THSD4: variants seen among roughly 807,000 people sequenced by gnomAD.
The protein encoded by THSD4 is thrombospondin type 1 domain containing 4.
A neutral mutation model predicts 119.0 loss-of-function variants in THSD4; 69 were observed. The ratio of observed to expected loss-of-function variants is 0.58; its 90% CI spans 0.48 to 0.71. The LOEUF is 0.71. Ranked by LOEUF, THSD4 falls within the 30% of genes least tolerant of loss-of-function variation. The probability of loss-of-function intolerance (pLI) is 0.00; values close to 1 mark genes in which losing one functional copy is unlikely to be tolerated. For missense variants in THSD4, 1,393 were observed against 1,391.1 expected (o/e 1.00, Z -0.02); for synonymous variants, 524 against 540.4 (o/e 0.97, Z 0.42).
chr15:71,161,787 T>C (rs2043252415), intron 3 of THSD4, among the ~76,000 whole-genome samples: 1 of 151,974 alleles, frequency 6.6e-6, no homozygotes, highest in Admixed American at 6.6e-5. Context: ...ATTTTGTTGT[T>C]TCCTGGTTAT....
At chr15:71,569,973 G>A (rs1238988208) in intron 7 of THSD4, among the ~76,000 whole-genome samples, 3 of 151,760 alleles carry the variant, frequency 2.0e-5, no homozygotes, top group South Asian at 2.1e-4. Flanking sequence ...CAGCCTGGGC[G>A]ACAAAGTTAG....
At position 71,724,282 on chromosome 15, in the gene THSD4, TA is replaced by T. The variant is rs1259448095; in HGVS notation, c.1358-4266del. Among the ~76,000 whole-genome samples, 113 of 53,410 alleles carry T rather than the reference TA, an allele frequency of 2.1e-3. 2 individuals carry two copies. In the East Asian group the frequency reaches 0.023, roughly 11 times the overall value. 35.0% of individuals were successfully genotyped at this position (53,410 alleles called of 152,430 possible). On this transcript the variant is annotated intron_variant, in intron 8 of 17. Coordinates refer to ENST00000261862, the MANE Select transcript of THSD4 (RefSeq NM_024817.3). ...CTATGATGGGATATATATATATATATATATATTTTTTTTTTCCCCCCAAGAT... is the reference window on the plus strand; with the variant it reads ...CTATGATGGGATATATATATATATATTATATTTTTTTTTTCCCCCCAAGAT...
chr15:71,643,913 T>C (rs548719869), intron 7 of THSD4, among the ~76,000 whole-genome samples: 2 of 152,292 alleles, frequency 1.3e-5, no homozygotes, highest in South Asian at 4.1e-4. Context: ...TGCATAAAAA[T>C]GAGTTAATGC....
intron 9 of THSD4, chr15:71,730,045 G>GGA (rs895260471): frequency 3.3e-5 from 5 of 152,136 alleles, no homozygotes; most frequent in African/African-American, 1.2e-4. Flanking sequence ...TCATCAGTAG[G>GGA]GAGTGGCAAG....
At position 71,614,502 on chromosome 15, in the gene THSD4, T is replaced by C. The variant is rs142143974; in HGVS notation, c.1153-46028T>C. On this transcript the variant is annotated intron_variant, in intron 7 of 17. Transcript: ENST00000261862. Reference sequence around the variant, plus strand: ...ATTCATTTATCTCACCTATCCCCGATGACCTAACGGATGTTGTTTTCAGAA... The same window carrying C: ...ATTCATTTATCTCACCTATCCCCGACGACCTAACGGATGTTGTTTTCAGAA... Among the ~76,000 whole-genome samples, 817 of 152,354 alleles carry C rather than the reference T, an allele frequency of 5.4e-3. 7 individuals carry two copies. Among genetic ancestry groups the C allele is most frequent in the African/African-American group, 0.019 (788 of 41,596 alleles).
chr15:71,770,226 C>A (rs1172864920), intron 16 of THSD4, among the ~76,000 whole-genome samples: 4 of 92,654 alleles, frequency 4.3e-5, no homozygotes, highest in South Asian at 3.8e-4. Flanking sequence ...CCAGCCTGGG[C>A]AACAAGAGGG....
chr15:71,466,400 G>A (rs1205466492), intron 7 of THSD4, among the ~76,000 whole-genome samples: 1 of 151,308 alleles, frequency 6.6e-6, no homozygotes, highest in African/African-American at 2.4e-5. Context: ...AGAGAAAAAG[G>A]GTCAGACATG....
chr15:71,700,834 A>G (rs1027317001), intron 8 of THSD4, among the ~76,000 whole-genome samples: 1 of 152,134 alleles, frequency 6.6e-6, no homozygotes, highest in Admixed American at 6.5e-5. Flanking sequence ...AATAATTATT[A>G]TTAAAAAATA....
intron 7 of THSD4, among the ~76,000 whole-genome samples, chr15:71,453,314 T>C (rs2047292497): frequency 6.6e-6 from 1 of 152,186 alleles, no homozygotes. Flanking sequence ...AATTCAAAAC[T>C]TAAACTCTTT....
At chr15:71,367,990 A>G (rs1314330734) in intron 6 of THSD4, among the ~76,000 whole-genome samples, 1 of 152,130 alleles carries the variant, frequency 6.6e-6, no homozygotes, top group Middle Eastern at 3.2e-3. Flanking sequence ...CTGGTGTGAG[A>G]TGGTATCTCA....
chr15:71,629,829 A>C (rs1181178131), intron 7 of THSD4, among the ~76,000 whole-genome samples: 1 of 152,026 alleles, frequency 6.6e-6, no homozygotes, highest in Non-Finnish European at 1.5e-5. Flanking sequence ...CTCATTTGGG[A>C]TGCGTGGTTT....
intron 1 of THSD4, among the ~76,000 whole-genome samples, chr15:71,136,858 G>A (rs546558959): frequency 2.0e-4 from 30 of 152,244 alleles, no homozygotes; most frequent in Non-Finnish European, 3.4e-4. Context: ...TGTAAGGGGC[G>A]GCAGAATGGT....
chr15:71,191,195 C>T (rs2043668902), intron 3 of THSD4, among the ~76,000 whole-genome samples: 1 of 152,146 alleles, frequency 6.6e-6, no homozygotes, highest in Admixed American at 6.5e-5. Context: ...CACTTTTCTA[C>T]ACACCGTCCT....
intron 11 of THSD4, among the ~76,000 whole-genome samples, chr15:71,741,794 C>T (rs1254142093): frequency 2.6e-5 from 4 of 152,136 alleles, no homozygotes; most frequent in Admixed American, 1.3e-4. Context: ...GTAAATGGCA[C>T]CAGTTCTCAG....
chr15:71,568,670 C>T (rs916325240), intron 7 of THSD4, among the ~76,000 whole-genome samples: 1 of 151,692 alleles, frequency 6.6e-6, no homozygotes, highest in African/African-American at 2.4e-5. Flanking sequence ...ATACATGTGC[C>T]ATGTTGGTGC....
chr15:71,618,912 A>G lies in THSD4; in HGVS notation c.1153-41618A>G, dbSNP rs1029006591. Among the ~76,000 whole-genome samples, 13 of 151,986 alleles carry G rather than the reference A, an allele frequency of 8.6e-5. 1 individual carries two copies. Among genetic ancestry groups the G allele is most frequent in the Admixed American group, 6.6e-4 (10 of 15,240 alleles). The stretch of plus-strand genomic sequence containing the variant: ...TTATTAATAATGTTTTGTTTTCTCA[A>G]AAAGGAAGGTACTTTAAACAAAAGT... On this transcript the variant is annotated intron_variant, in intron 7 of 17. Transcript: ENST00000261862.
At chr15:71,551,516 C>G (rs539371548) in intron 7 of THSD4, among the ~76,000 whole-genome samples, 2 of 152,212 alleles carry the variant, frequency 1.3e-5, no homozygotes, top group East Asian at 1.9e-4. Context: ...AATTATCTGT[C>G]GTGATTCAGT....
At chr15:71,295,529 C>G (rs1277310328) in intron 6 of THSD4, among the ~76,000 whole-genome samples, 1 of 152,176 alleles carries the variant, frequency 6.6e-6, no homozygotes, top group East Asian at 1.9e-4. Flanking sequence ...AGACACAGAT[C>G]AGAGGCAATC....
intron 8 of THSD4, among the ~76,000 whole-genome samples, chr15:71,720,684 T>G (rs1251679575): frequency 1.3e-5 from 2 of 152,216 alleles, no homozygotes; most frequent in Non-Finnish European, 2.9e-5. Flanking sequence ...TGAGACCCAT[T>G]TGGGTTCATG....
Sources: gnomAD v4.1 joint callset for allele counts (sites outside exome capture counted in the v4.1 genomes callset) on GRCh38, gnomAD v4.1.1 for gene constraint, MANE v1.5 for transcripts, NCBI Gene and HGNC (gene_info 2026-07-23, HGNC 2026-07-21) for gene names.